KDM5A: variants seen among roughly 807,000 people sequenced by gnomAD.
The protein encoded by KDM5A is lysine-specific demethylase 5A.
KDM5A carries 42 observed loss-of-function variants against 193.5 expected under a neutral mutation model. The observed-to-expected ratio is 0.22, with a 90% CI of 0.17 to 0.28. The LOEUF (loss-of-function observed/expected upper bound fraction) is 0.28, where lower values mean the gene tolerates loss of function less well. Ranked by LOEUF, KDM5A falls within the 10% of genes least tolerant of loss-of-function variation. The pLI is 1.00. For synonymous variants in KDM5A, 796 were observed against 718.1 expected, an observed-to-expected ratio of 1.11 and a Z score of -1.73; for missense variants, 1,692 against 2,055.1, an observed-to-expected ratio of 0.82 and a Z score of 3.42.
intron 10 of KDM5A, among the ~76,000 whole-genome samples, chr12:350,262 C>A (rs377129498): frequency 6.6e-6 from 1 of 151,882 alleles, no homozygotes; most frequent in South Asian, 2.1e-4. Context: ...CATGGTGAAA[C>A]CCTGTCTCTA....
At chr12:357,103 A>T (rs1944236692) in intron 5 of KDM5A, among the ~76,000 whole-genome samples, 3 of 152,136 alleles carry the variant, frequency 2.0e-5, no homozygotes, top group African/African-American at 7.2e-5. Flanking sequence ...AACACAGGGG[A>T]GACCCCATCT....
chr12:288,990 T>C (rs993988893), intron 27 of KDM5A, among the ~76,000 whole-genome samples: 3 of 152,202 alleles, frequency 2.0e-5, no homozygotes, highest in African/African-American at 7.2e-5. Context: ...AAAGGAGATA[T>C]GAACTAGTAA....
chr12:338,767 T>G (rs1943964405), intron 10 of KDM5A, among the ~76,000 whole-genome samples: 1 of 151,988 alleles, frequency 6.6e-6, no homozygotes, highest in Non-Finnish European at 1.5e-5. Context: ...TTAACAAAAT[T>G]TAGTCAATGA....
chr12:386,462 A>G (rs1343836229), intron 1 of KDM5A, among the ~76,000 whole-genome samples: 1 of 152,208 alleles, frequency 6.6e-6, no homozygotes, highest in Admixed American at 6.5e-5. Context: ...GTGAATTTAC[A>G]TGCTACCAAT....
At position 362,983 on chromosome 12, in the gene KDM5A, T is replaced by G; in HGVS notation, c.652A>C (p.Thr218Pro). 1 of 1,614,178 alleles carries G rather than the reference T, an allele frequency of 6.2e-7. No individual in the cohort carries two copies. The highest frequency in any genetic ancestry group is 1.3e-5 in the African/African-American group (1 of 75,054). The change falls in exon 5 of 28, where the codon ACA becomes CCA. Residue 218 changes from threonine (T) to proline (P), a missense_variant. By Grantham distance (38) the Thr-to-Pro change is conservative. Around this residue, in one of 11 missense-constraint regions of KDM5A, gnomAD observed 134 missense variants for 124.2 expected, o/e 1.08. Coordinates refer to ENST00000399788, the MANE Select transcript of KDM5A (RefSeq NM_001042603.3). ...GATACCTGAGTCTTCACACGTCTTG[T>G]TCTCTTCGGCAGAATGTTCATCCTT... ...GTRMNILPKR[T>P]RRVKTQSESG...
chr12:355,349 C>T lies in KDM5A; in HGVS notation c.779-100G>A. ...ATTATTTAAATTAGTTAAAATCTTA[C>T]AACTGTTTATCTAGAGGTAGATATA... On this transcript the variant is annotated intron_variant, in intron 6 of 27. Transcript: ENST00000399788. 2.5e-5 allele frequency: 19 copies of T among 754,934 alleles called. No homozygotes were observed. In the South Asian group the frequency reaches 2.7e-4, roughly 11 times the overall value. The allele number at this position is 754,934 out of a possible 1,614,324, so 46.8% of individuals were successfully genotyped here. A position where few individuals can be genotyped will look rare whatever the true frequency, so the allele number is the denominator to read the frequency against.
At chr12:349,285 G>A (rs533293867) in intron 10 of KDM5A, among the ~76,000 whole-genome samples, 16 of 150,590 alleles carry the variant, frequency 1.1e-4, no homozygotes, top group Non-Finnish European at 1.9e-4. Flanking sequence ...CTCCCAAAGT[G>A]CTGGGATTAC....
In KDM5A at chr12:307,868, C is replaced by T. The variant is rs904281861; in HGVS notation, c.3516G>A (p.Gly1172=). Reference sequence around the variant, plus strand: ...TGCAGAGCTCACACTGTAGCATAAACCCACTGGCTGTCTTGCGGCAAATGC... The same window carrying T: ...TGCAGAGCTCACACTGTAGCATAAATCCACTGGCTGTCTTGCGGCAAATGC... ...KFCICRKTAS[G]FMLQCELCKD... is the part of the protein sequence containing the mutation. The change falls in exon 23 of 28, where the codon GGG becomes GGA. Residue 1172 remains glycine, a synonymous_variant. Coordinates refer to ENST00000399788, the MANE Select transcript of KDM5A (RefSeq NM_001042603.3). This position sits in a 1 kb window ranked among gnomAD's most constrained non-coding sequence, Gnocchi z 4.3. 1 of 1,614,144 alleles carries T rather than the reference C, an allele frequency of 6.2e-7. No homozygotes were observed. Among genetic ancestry groups the T allele is most frequent in the East Asian group, 2.2e-5 (1 of 44,882 alleles).
At chr12:343,682 T>A (rs1054112474) in intron 10 of KDM5A, among the ~76,000 whole-genome samples, 1 of 152,168 alleles carries the variant, frequency 6.6e-6, no homozygotes, top group Non-Finnish European at 1.5e-5. Context: ...TCCTGACTGT[T>A]AGAAGGAAAA....
At chr12:354,050 A>G (rs2137454123) in intron 8 of KDM5A, 26 bp downstream of exon 8, 3 of 1,589,726 alleles carry the variant, frequency 1.9e-6, no homozygotes, top group Non-Finnish European at 2.6e-6. Flanking sequence ...TAGTTAAAAA[A>G]GGATCCATAG....
chr12:375,072 A>G (rs1944484862), intron 3 of KDM5A, among the ~76,000 whole-genome samples: 1 of 152,074 alleles, frequency 6.6e-6, no homozygotes, highest in African/African-American at 2.4e-5. Flanking sequence ...GCTCTTCTCC[A>G]GGAGTATCTT....
In KDM5A at chr12:317,054, C is replaced by T. The variant is rs145650365; in HGVS notation, c.2897+1052G>A. Among the ~76,000 whole-genome samples, 417 of 152,232 alleles carry T rather than the reference C, an allele frequency of 2.7e-3. 2 individuals carry two copies. The highest frequency in any genetic ancestry group is 9.6e-3 in the African/African-American group (397 of 41,536). On this transcript the variant is annotated intron_variant, in intron 19 of 27. Transcript: ENST00000399788. The stretch of plus-strand genomic sequence containing the variant: ...AGAGAAATGCTTTCACAAGGACCAC[C>T]GTTAATTATCAGCCAAATTTGCTGA...
At chr12:304,298 A>C (rs1002124200) in intron 24 of KDM5A, among the ~76,000 whole-genome samples, 3 of 152,220 alleles carry the variant, frequency 2.0e-5, no homozygotes, top group Non-Finnish European at 4.4e-5. Flanking sequence ...TACTAAGTTC[A>C]AAGTATTTTA....
rs566020885 is a variant in KDM5A, at chr12:290,488, T to C, written c.4866+2271A>G. Among the ~76,000 whole-genome samples the C allele has an allele frequency of 2.6e-5, 4 of 152,078 alleles. No homozygotes were observed. In the East Asian group the frequency reaches 5.8e-4, roughly 22 times the overall value. On this transcript the variant is annotated intron_variant, in intron 27 of 27. Transcript: ENST00000399788. Reference sequence around the variant, plus strand: ...AGCACTCAGCCAAATCTCCTTTTGCTCCATCAAAATGTAGATGATAACTCT... The same window carrying C: ...AGCACTCAGCCAAATCTCCTTTTGCCCCATCAAAATGTAGATGATAACTCT...
At chr12:362,149 T>C (rs952163157) in intron 5 of KDM5A, among the ~76,000 whole-genome samples, 1 of 152,186 alleles carries the variant, frequency 6.6e-6, no homozygotes, top group Non-Finnish European at 1.5e-5. Context: ...TGTCTATCTA[T>C]ATGTTAACGT....
chr12:296,263 A>C (rs746639540), intron 25 of KDM5A, among the ~76,000 whole-genome samples: 1 of 151,264 alleles, frequency 6.6e-6, no homozygotes, highest in Admixed American at 6.6e-5. Flanking sequence ...GGGAGGTTGC[A>C]GTGAGCCAAG....
At chr12:306,774 C>T in intron 24 of KDM5A, 172 bp downstream of exon 24, 2 of 726,470 alleles carry the variant, frequency 2.8e-6, no homozygotes. Context: ...TTTCAGCAAC[C>T]TGTAATGTTT....
At chr12:375,524 C>T (rs1479607614) in intron 3 of KDM5A, among the ~76,000 whole-genome samples, 1 of 152,208 alleles carries the variant, frequency 6.6e-6, no homozygotes, top group African/African-American at 2.4e-5. Flanking sequence ...GTTCGAACTT[C>T]CTCCTTTAGC....
At chr12:287,436 G>C (rs1488804517) in intron 27 of KDM5A, among the ~76,000 whole-genome samples, 2 of 150,378 alleles carry the variant, frequency 1.3e-5, no homozygotes, top group African/African-American at 4.9e-5. Context: ...TTTAGCTTCT[G>C]AAGTCTGTGC....
Sources: allele counts gnomAD v4.1 joint callset (sites outside exome capture counted in the v4.1 genomes callset), GRCh38; gene constraint gnomAD v4.1.1; regional missense constraint gnomAD v4.1.1; non-coding constraint Gnocchi (gnomAD v3.1); transcripts MANE v1.5; gene names NCBI Gene and HGNC (gene_info 2026-07-23, HGNC 2026-07-21).